Variants in ITGA10 observed in about 807,000 individuals in gnomAD.
The protein encoded by ITGA10 is integrin subunit alpha 10.
In ITGA10, 105 loss-of-function variants were observed where a neutral mutation model predicts 145.2. The ratio of observed to expected loss-of-function variants is 0.72; its 90% CI spans 0.62 to 0.85. ITGA10 has a LOEUF of 0.85. Ranked by LOEUF, ITGA10 falls within the 40% of genes least tolerant of loss-of-function variation. The pLI is 0.00. For missense variants in ITGA10, 1,317 were observed against 1,444.5 expected (o/e 0.91, Z 1.43); for synonymous variants, 506 against 557.8 (o/e 0.91, Z 1.31).
In ITGA10 at chr1:145,902,294, G is replaced by T. The variant is rs782422341; in HGVS notation, c.1101C>A (p.Ser367=). The stretch of plus-strand genomic sequence containing the variant: ...CAATCTGAGACATTTCCAGCCCAAA[G>T]GAGCTTTCGTTTTCTGCATGGGACC... The part of the protein sequence containing the change: ...LEGSHAENES[S]FGLEMSQIGF... The change falls in exon 10 of 30, where the codon TCC becomes TCA. Residue 367 remains serine (S), a synonymous_variant. Coordinates refer to ENST00000369304, the MANE Select transcript of ITGA10 (RefSeq NM_003637.5). The T allele has an allele frequency of 1.2e-6, 2 of 1,614,156 alleles. No individual in the cohort carries two copies. Among genetic ancestry groups the T allele is most frequent in the Non-Finnish European group, 1.7e-6 (2 of 1,180,026 alleles).
chr1:145,906,777 G>C lies in ITGA10; in HGVS notation c.322C>G (p.Leu108Val), dbSNP rs141709813. The C allele has an allele frequency of 1.2e-6, 2 of 1,613,876 alleles. No homozygotes were observed. Among genetic ancestry groups the C allele is most frequent in the Non-Finnish European group, 1.7e-6 (2 of 1,179,832 alleles). The change falls in exon 4 of 30, where the codon CTG becomes GTG. Residue 108 changes from leucine to valine, a missense_variant. Leu to Val is a conservative substitution (Grantham distance 32). Transcript: ENST00000369304. ...NSSHPAVNMHLGMSLLETDGD... is the reference protein window; with the variant it reads ...NSSHPAVNMHVGMSLLETDGD... ...TCTGTCTCTAACAGAGACATCCCCA[G>C]GTGCATATTCACAGCAGGATGAGAT... is the stretch of plus-strand genomic sequence containing the variant.
At chr1:145,909,421 ATAAT>A (rs1423456202) in intron 1 of ITGA10, among the ~76,000 whole-genome samples, 24 of 140,608 alleles carry the variant, frequency 1.7e-4, no homozygotes, top group African/African-American at 6.2e-4. Flanking sequence ...AAAAATAATA[ATAAT>A]TATTATATAC....
intron 25 of ITGA10, 84 bp downstream of exon 25, chr1:145,895,899 A>G: frequency 2.6e-6 from 3 of 1,149,400 alleles, no homozygotes; most frequent in Non-Finnish European, 3.9e-6. Flanking sequence ...GGCCCAACAG[A>G]TAGGGAGCTG....
chr1:145,909,685 A>G, intron 1 of ITGA10, among the ~76,000 whole-genome samples: 1 of 44,688 alleles, frequency 2.2e-5, no homozygotes, highest in South Asian at 6.3e-4. Flanking sequence ...TGTATATTAT[A>G]TATAATATAT....
intron 25 of ITGA10, 49 bp downstream of exon 25, chr1:145,895,934 C>A: frequency 7.1e-7 from 1 of 1,414,632 alleles, no homozygotes; most frequent in South Asian, 1.2e-5. Flanking sequence ...TTCAGTGAGT[C>A]CACCAGCTCA....
rs782821092 is a variant in ITGA10 at position 145,900,847 on chromosome 1, C to G, written c.1734G>C (p.Gln578His). 6.2e-7 allele frequency: 1 copy of G among 1,614,134 alleles called. No homozygotes were observed. Among genetic ancestry groups the G allele is most frequent in the South Asian group, 1.1e-5 (1 of 91,076 alleles). ...TTCCATGGTACAGGTACAGTGCTCC[C>G]TGGTGCCCATCTTCCAGAGGCGCCC... ...AVGAPLEDGHQGALYLYHGTQ... is the reference protein window; with the variant it reads ...AVGAPLEDGHHGALYLYHGTQ... Residue 578 changes from glutamine (Q) to histidine (H), a missense_variant, in exon 14 of 30, where the codon CAG becomes CAC. Coordinates refer to ENST00000369304, the MANE Select transcript of ITGA10 (RefSeq NM_003637.5).
chr1:145,902,618 A>G lies in ITGA10; in HGVS notation c.911T>C (p.Val304Ala). The G allele has an allele frequency of 6.3e-7, 1 of 1,597,568 alleles. No homozygotes were observed. The change falls in exon 9 of 30, where the codon GTC becomes GCC. Residue 304 changes from valine to alanine, a missense_variant and splice_region_variant. Transcript: ENST00000369304. ...CTGCCGCCGGAGGTAGTGACCAAGG[A>G]CCTAAGAGGTCATAAGATCAAGGAA... ...AGRVTRYGIA[V>A]LGHYLRRQRD...
chr1:145,905,041 T>G (rs1333786515), intron 5 of ITGA10, among the ~76,000 whole-genome samples: 1 of 151,582 alleles, frequency 6.6e-6, no homozygotes, highest in African/African-American at 2.4e-5. Context: ...TATGTATATA[T>G]GTATATATAG....
rs1570831891 is a variant in ITGA10 at position 145,893,644 on chromosome 1, C to T, written c.3229-9G>A. 1 of 1,606,210 alleles carries T rather than the reference C, an allele frequency of 6.2e-7. No homozygotes were observed. Among genetic ancestry groups the T allele is most frequent in the Middle Eastern group, 1.7e-4 (1 of 6,054 alleles). On this transcript the variant is annotated splice_polypyrimidine_tract_variant and intron_variant, in intron 27 of 29. Transcript: ENST00000369304. ...AGGGACTTGAACTTGGCCTATGGAA[C>T]AAGTGGATAGGAAGACATTTAAAAT...
At chr1:145,907,323 C>T in intron 2 of ITGA10, 31 bp downstream of exon 2, 1 of 1,614,146 alleles carries the variant, frequency 6.2e-7, no homozygotes, top group East Asian at 2.2e-5. Context: ...ACTGCAGTCC[C>T]AATCCCCTGG....
intron 6 of ITGA10, 43 bp from the exon 7 acceptor site, chr1:145,904,243 T>C: frequency 1.3e-6 from 2 of 1,598,360 alleles, no homozygotes; most frequent in Non-Finnish European, 1.7e-6. Flanking sequence ...GTATGTGAGA[T>C]GGGGGGAGAG....
Position 145,900,775 on chromosome 1 carries a change from T to G in ITGA10, c.1791+15A>C, listed in dbSNP as rs782023164. On this transcript the variant is annotated intron_variant, in intron 14 of 29. Coordinates refer to ENST00000369304, the MANE Select transcript of ITGA10 (RefSeq NM_003637.5). ...TCCTACAACCGTGCCCCTGCTTTAT[T>G]TGGGTACTCCTGACCTGGGCAGGAT... 23 of 1,613,158 alleles carry G rather than the reference T, an allele frequency of 1.4e-5. No homozygotes were observed. The highest frequency in any genetic ancestry group is 2.0e-5 in the Non-Finnish European group (23 of 1,179,310).
In ITGA10 at chr1:145,901,838, C is replaced by T. The variant is rs896744445; in HGVS notation, c.1294+39G>A. 2 of 1,612,892 alleles carry T rather than the reference C, an allele frequency of 1.2e-6. No individual in the cohort carries two copies. Among genetic ancestry groups the T allele is most frequent in the Non-Finnish European group, 1.7e-6 (2 of 1,179,444 alleles). ...GCCCCCACTAGGGATGTATTTCCTC[C>T]CCTACCCTGTAAGTCCTCTGCAACT... is the stretch of plus-strand genomic sequence containing the variant. On this transcript the variant is annotated intron_variant, in intron 11 of 29. Transcript: ENST00000369304. This position sits in a 1 kb window ranked among gnomAD's most constrained non-coding sequence, Gnocchi z 4.3.
intron 6 of ITGA10, 89 bp from the exon 7 acceptor site, chr1:145,904,289 A>G: frequency 1.6e-6 from 2 of 1,229,892 alleles, no homozygotes; most frequent in South Asian, 1.3e-5. Context: ...GGAGAGATGA[A>G]CACCTGGATA....
Position 145,898,128 on chromosome 1 carries a change from G to T in ITGA10, c.2328C>A (p.Pro776=). The change falls in exon 18 of 30, where the codon CCC becomes CCA. Residue 776 remains proline (P), a synonymous_variant. Coordinates refer to ENST00000369304, the MANE Select transcript of ITGA10 (RefSeq NM_003637.5). ...KPGPVLNEGS[P]TSIQKLVPFS... is the part of the protein sequence containing the mutation. Reference sequence around the variant, plus strand: ...TGCTGACCAGCTTTTGTATAGAGGTGGGTGAGCCCTCATTCAGCACAGGCC... The same window carrying T: ...TGCTGACCAGCTTTTGTATAGAGGTTGGTGAGCCCTCATTCAGCACAGGCC... The T allele has an allele frequency of 6.2e-7, 1 of 1,613,410 alleles. No individual in the cohort carries two copies. Among genetic ancestry groups the T allele is most frequent in the Non-Finnish European group, 8.5e-7 (1 of 1,179,376 alleles).
At chr1:145,909,481 T>G (rs978236435) in intron 1 of ITGA10, among the ~76,000 whole-genome samples, 1 of 127,316 alleles carries the variant, frequency 7.9e-6, no homozygotes, top group East Asian at 2.1e-4. Flanking sequence ...ATTATATGTA[T>G]ATTATATATA....
chr1:145,900,223 CA>C (rs1656072351), intron 14 of ITGA10, 36 bp from the exon 15 acceptor site: 3 of 1,567,176 alleles, frequency 1.9e-6, no homozygotes. Flanking sequence ...GGCAGGGACC[CA>C]TACACCTAGT....
Position 145,907,031 on chromosome 1 carries a change from A to T in ITGA10, c.274+10T>A, listed in dbSNP as rs1553751385. On this transcript the variant is annotated intron_variant, in intron 3 of 29. Coordinates refer to ENST00000369304, the MANE Select transcript of ITGA10 (RefSeq NM_003637.5). ...GGGGTTAGGAGGAGAAGGGTCAGGCATCTTCTCACCTAAGTGGCCCTTGGC... is the reference window on the plus strand; with the variant it reads ...GGGGTTAGGAGGAGAAGGGTCAGGCTTCTTCTCACCTAAGTGGCCCTTGGC... 1.3e-6 allele frequency: 2 copies of T among 1,511,790 alleles called. No individual in the cohort carries two copies. Among genetic ancestry groups the T allele is most frequent in the Non-Finnish European group, 9.0e-7 (1 of 1,113,996 alleles). The allele number at this position is 1,511,790 out of a possible 1,614,324, so 93.6% of individuals were successfully genotyped here. A position where few individuals can be genotyped will look rare whatever the true frequency, so the allele number is the denominator to read the frequency against.
In ITGA10 at chr1:145,907,084, A is replaced by G. The variant is rs1553751463; in HGVS notation, c.231T>C (p.Pro77=). The change falls in exon 3 of 30, where the codon CCT becomes CCC. Residue 77 remains proline, a synonymous_variant. Transcript: ENST00000369304. The part of the protein sequence containing the change: ...GDRRGDVYRC[P]VGGAHNAPCA... ...ATGGGGCATTGTGGGCCCCCCCTAC[A>G]GGGCAGCGATAAACGTCCCCCCTCC... 6 of 1,564,154 alleles carry G rather than the reference A, an allele frequency of 3.8e-6. No homozygotes were observed. Among genetic ancestry groups the G allele is most frequent in the Non-Finnish European group, 5.2e-6 (6 of 1,153,944 alleles).
Sources: gnomAD v4.1 joint callset for allele counts (sites outside exome capture counted in the v4.1 genomes callset) on GRCh38, gnomAD v4.1.1 for gene constraint, Gnocchi (gnomAD v3.1) non-coding constraint, MANE v1.5 for transcripts, NCBI Gene and HGNC (gene_info 2026-07-23, HGNC 2026-07-21) for gene names.